Variants in P2RX5 observed in about 807,000 individuals in gnomAD.
P2RX5 encodes the protein purinergic receptor P2X 5.
Under a neutral mutation model 54.1 loss-of-function variants are expected in P2RX5, and 46 were observed. The ratio of observed to expected loss-of-function variants is 0.85; its 90% CI spans 0.67 to 1.09. P2RX5 has a LOEUF of 1.09. P2RX5 is among the 50% of genes least tolerant of loss of function. P2RX5 has a pLI of 0.00. For missense variants in P2RX5, 566 were observed against 549.8 expected (o/e 1.03, Z -0.29); for synonymous variants, 226 against 226.4 (o/e 1.00, Z 0.02).
chr17:3,702,823 T>C, the P2RX5 span, among the ~76,000 whole-genome samples: 1,683 of 152,318 alleles, frequency 0.011, 23 homozygotes, highest in Non-Finnish European at 0.016. Context: ...TGAGCCACTG[T>C]ACCCAGCCTG....
intron 11 of P2RX5, chr17:3,675,664 G>A (rs1280211441): frequency 1.8e-5 from 13 of 710,674 alleles, no homozygotes; most frequent in Non-Finnish European, 2.2e-5. Context: ...CGATTCTCCT[G>A]CCTCCGCCTC....
chr17:3,691,961 T>G, intron 1 of P2RX5, 167 bp from the exon 2 acceptor site: 1 of 697,056 alleles, frequency 1.4e-6, no homozygotes, highest in South Asian at 1.6e-5. Context: ...CAGCTCCCAC[T>G]GCTGACTGAA....
At position 3,688,029 on chromosome 17, in the gene P2RX5, C is replaced by T. The variant is rs747912829; in HGVS notation, c.964G>A (p.Val322Met). 3 of 1,593,866 alleles carry T rather than the reference C, an allele frequency of 1.9e-6. No individual in the cohort carries two copies. The highest frequency in any genetic ancestry group is 2.6e-6 in the Non-Finnish European group (3 of 1,169,428). The change falls in exon 9 of 12, where the codon GTG (valine) becomes ATG (methionine). Residue 322 changes from valine (V) to methionine (M), a missense_variant. By Grantham distance (21) the Val-to-Met change is conservative. Transcript: ENST00000225328. ...LMKAYGIRFD[V>M]MVNGKGAFFC... ...ACACGCACCTTGCCGTTCACCATCA[C>T]GTCAAAGCGGATCCCGTAGGCTTTC...
the P2RX5 span, among the ~76,000 whole-genome samples, chr17:3,713,750 C>CA: frequency 0.46 from 64,046 of 140,598 alleles, 15,822 homozygotes; most frequent in Middle Eastern, 0.67. Flanking sequence ...AACTCTGTCT[C>CA]AAAAAAAAAA....
the P2RX5 span, among the ~76,000 whole-genome samples, chr17:3,703,181 A>C: frequency 2.6e-5 from 4 of 152,168 alleles, no homozygotes; most frequent in African/African-American, 9.7e-5. Context: ...CTTTAGAGAC[A>C]GGGGAATTAC....
chr17:3,684,801 G>A (rs945656826), intron 9 of P2RX5, among the ~76,000 whole-genome samples: 1 of 149,434 alleles, frequency 6.7e-6, no homozygotes, highest in Non-Finnish European at 1.5e-5. Flanking sequence ...GCAGCACCCA[G>A]GCTAAGAAAC....
chr17:3,719,235 C>CAAAAAAAAAA, the P2RX5 span, among the ~76,000 whole-genome samples: 14 of 66,086 alleles, frequency 2.1e-4, no homozygotes, highest in South Asian at 1.1e-3. Context: ...GATTCTTCCT[C>CAAAAAAAAAA]AAAAAAAAAA....
At chr17:3,723,598 G>C in the P2RX5 span, 9 of 1,355,322 alleles carry the variant, frequency 6.6e-6, no homozygotes, top group Non-Finnish European at 9.0e-6. Flanking sequence ...TGGCCGGCAG[G>C]GGTAACCCAG....
At chr17:3,693,314 G>A (rs1166364521) in intron 1 of P2RX5, among the ~76,000 whole-genome samples, 3 of 152,166 alleles carry the variant, frequency 2.0e-5, no homozygotes, top group African/African-American at 7.2e-5. Flanking sequence ...ATGAGGTTGT[G>A]AAGAAATTAG....
chr17:3,680,161 G>GCA (rs2050213437), intron 10 of P2RX5, among the ~76,000 whole-genome samples: 3 of 60,024 alleles, frequency 5.0e-5, no homozygotes, highest in Non-Finnish European at 9.6e-5. Context: ...TCCATCCGGT[G>GCA]TCCTCCACCC....
chr17:3,701,670 G>A, the P2RX5 span, among the ~76,000 whole-genome samples: 2 of 130,482 alleles, frequency 1.5e-5, no homozygotes, highest in African/African-American at 5.5e-5. Context: ...CTCCAGCCTG[G>A]GCAGCAAGAG....
At chr17:3,709,657 G>A in the P2RX5 span, among the ~76,000 whole-genome samples, 2 of 152,186 alleles carry the variant, frequency 1.3e-5, no homozygotes, top group South Asian at 2.1e-4. Context: ...GCTCAAGCCT[G>A]TAATCCCAGC....
the P2RX5 span, among the ~76,000 whole-genome samples, chr17:3,711,370 C>CTTTTT: frequency 9.3e-3 from 585 of 63,122 alleles, 95 homozygotes; most frequent in African/African-American, 0.013. Context: ...AGCACTCATT[C>CTTTTT]TTTTTTTTTT....
chr17:3,699,379 G>C (rs1445881322), upstream of P2RX5, among the ~76,000 whole-genome samples: 1 of 152,020 alleles, frequency 6.6e-6, no homozygotes, highest in Non-Finnish European at 1.5e-5. Flanking sequence ...CTGTATGATA[G>C]AGACCCTGCT....
intron 11 of P2RX5, chr17:3,676,572 G>C (rs957696433): frequency 2.0e-6 from 2 of 985,252 alleles, no homozygotes; most frequent in Non-Finnish European, 2.4e-6. Flanking sequence ...GGCAGCATGC[G>C]TGTAAGTCTG....
At chr17:3,716,593 G>C in the P2RX5 span, 1 of 741,490 alleles carries the variant, frequency 1.3e-6, no homozygotes, top group Non-Finnish European at 2.4e-6. Flanking sequence ...GGCCAGGGCA[G>C]CTGCTCTAAG....
At chr17:3,698,775 G>A (rs1050401876), upstream of P2RX5, among the ~76,000 whole-genome samples, 1 of 152,040 alleles carries the variant, frequency 6.6e-6, no homozygotes, top group Non-Finnish European at 1.5e-5. Context: ...GACCACATGA[G>A]GGGCATCTAG....
At chr17:3,685,132 A>G (rs2050404254) in intron 9 of P2RX5, among the ~76,000 whole-genome samples, 2 of 152,142 alleles carry the variant, frequency 1.3e-5, no homozygotes, top group Admixed American at 6.5e-5. Flanking sequence ...GGTGTGAGTC[A>G]CTGCGCCCGG....
chr17:3,677,838 C>T, intron 11 of P2RX5: 1 of 985,416 alleles, frequency 1.0e-6, no homozygotes, highest in Non-Finnish European at 1.2e-6. Flanking sequence ...TGGCCTGTCC[C>T]TTTCCCTGGA....
Sources: gnomAD v4.1 joint callset for allele counts (sites outside exome capture counted in the v4.1 genomes callset) on GRCh38, gnomAD v4.1.1 for gene constraint, MANE v1.5 for transcripts, NCBI Gene and HGNC (gene_info 2026-07-23, HGNC 2026-07-21) for gene names.